The following USP6NL variants were observed in gnomAD, a reference collection of about 807,000 sequenced individuals.
The protein encoded by USP6NL is USP6 N-terminal-like protein.
In USP6NL, 26 loss-of-function variants were observed where a neutral mutation model predicts 61.9. That is an observed-to-expected ratio of 0.42 (90% CI 0.31 to 0.58). The LOEUF (loss-of-function observed/expected upper bound fraction) is 0.58, where lower values mean the gene tolerates loss of function less well. USP6NL is among the 20% of genes least tolerant of loss of function. The pLI is 0.16. For synonymous variants in USP6NL, 432 were observed against 390.1 expected, an observed-to-expected ratio of 1.11 and a Z score of -1.27; for missense variants, 1,114 against 1,034.3, an observed-to-expected ratio of 1.08 and a Z score of -1.06.
intron 14 of USP6NL, among the ~76,000 whole-genome samples, chr10:11,467,436 G>A (rs983628524): frequency 1.3e-5 from 2 of 152,238 alleles, no homozygotes; most frequent in South Asian, 2.1e-4. Flanking sequence ...CCACCTCTGA[G>A]AATTTATCCT....
intron 2 of USP6NL, among the ~76,000 whole-genome samples, chr10:11,550,783 A>T (rs1591917502): frequency 6.6e-6 from 1 of 151,604 alleles, no homozygotes; most frequent in African/African-American, 2.4e-5. Flanking sequence ...AAACAAAATA[A>T]TAAAAAAAAT....
At chr10:11,559,514 T>C (rs1204158083) in intron 2 of USP6NL, among the ~76,000 whole-genome samples, 1 of 152,164 alleles carries the variant, frequency 6.6e-6, no homozygotes, top group Non-Finnish European at 1.5e-5. Context: ...TAGGATAGTA[T>C]ACAGTCTCGT....
intron 4 of USP6NL, among the ~76,000 whole-genome samples, chr10:11,521,333 T>C (rs1001753921): frequency 2.0e-5 from 3 of 147,092 alleles, no homozygotes; most frequent in Non-Finnish European, 4.5e-5. Flanking sequence ...ATATAAAATA[T>C]ATATTATATA....
Position 11,611,513 on chromosome 10 carries a change from CCGGCGCGGCG to C in USP6NL, c.-164_-155del, listed in dbSNP as rs563848900. On this transcript the variant is annotated 5_prime_UTR_variant, in exon 1 of 15. Coordinates refer to ENST00000609104, the MANE Select transcript of USP6NL (RefSeq NM_014688.5). The surrounding 1 kb of genome is among the most constrained non-coding windows in gnomAD (Gnocchi z 5.3). ...GGCGGTCCCGGGCGGCCGAGCAGAT[CCGGCGCGGCG>C]CGGCGCGGCGGCGGCGGCGGCTACC... The C allele has an allele frequency of 3.1e-5, 5 of 160,700 alleles. No individual in the cohort carries two copies. The highest frequency in any genetic ancestry group is 1.9e-4 in the East Asian group (1 of 5,342). 10.0% of individuals were successfully genotyped at this position (160,700 alleles called of 1,614,324 possible). A position where few individuals can be genotyped will look rare whatever the true frequency, so the allele number is the denominator to read the frequency against.
At chr10:11,507,940 G>A (rs1274185058) in intron 6 of USP6NL, among the ~76,000 whole-genome samples, 1 of 152,214 alleles carries the variant, frequency 6.6e-6, no homozygotes, top group African/African-American at 2.4e-5. Context: ...TCTGCCTCTA[G>A]AATCTGCCTC....
In USP6NL at chr10:11,548,655, G is replaced by A. The variant is rs1351751628; in HGVS notation, c.5-21088C>T. ...ACTGCTGAATAAGCTAAGATCCTAG[G>A]ACCCACTGGCAAAGACTTTCATTCT... On this transcript the variant is annotated intron_variant, in intron 2 of 14. Transcript: ENST00000609104. This position sits in a 1 kb window ranked among gnomAD's most constrained non-coding sequence, Gnocchi z 4.3. Among the ~76,000 whole-genome samples, 5 of 151,954 alleles carry A rather than the reference G, an allele frequency of 3.3e-5. No homozygotes were observed. The highest frequency in any genetic ancestry group is 5.9e-5 in the Non-Finnish European group (4 of 67,934).
In USP6NL at chr10:11,499,570, T is replaced by C. The variant is rs367705494; in HGVS notation, c.384+1531A>G. ...GGTCATCCTGGATGAGGGTGGACCC[T>C]ACATGCAATAACTATTGTCCCTATC... is the stretch of plus-strand genomic sequence containing the variant. On this transcript the variant is annotated intron_variant, in intron 7 of 14. Coordinates refer to ENST00000609104, the MANE Select transcript of USP6NL (RefSeq NM_014688.5). This position sits in a 1 kb window ranked among gnomAD's most constrained non-coding sequence, Gnocchi z 4.5. Among the ~76,000 whole-genome samples the C allele has an allele frequency of 5.9e-5, 9 of 152,238 alleles. No homozygotes were observed. In the East Asian group the frequency reaches 1.5e-3, roughly 26 times the overall value.
intron 1 of USP6NL, among the ~76,000 whole-genome samples, chr10:11,607,933 C>T (rs1045340645): frequency 3.3e-5 from 5 of 152,200 alleles, no homozygotes; most frequent in African/African-American, 9.6e-5. Flanking sequence ...TACCTCTATC[C>T]CTGAGTAACT....
At chr10:11,469,412 C>T (rs1832630767) in intron 14 of USP6NL, among the ~76,000 whole-genome samples, 1 of 152,190 alleles carries the variant, frequency 6.6e-6, no homozygotes, top group African/African-American at 2.4e-5. Context: ...TATCCAAGAT[C>T]CATATTGCTA....
rs537915647 is a variant in USP6NL at position 11,461,184 on chromosome 10, A to G, written c.*1257T>C. The G allele has an allele frequency of 3.9e-5, 6 of 152,674 alleles. No homozygotes were observed. The highest frequency in any genetic ancestry group is 1.4e-4 in the African/African-American group (6 of 41,544). The allele number at this position is 152,674 out of a possible 1,614,324, so 9.5% of individuals were successfully genotyped here. A position where few individuals can be genotyped will look rare whatever the true frequency, so the allele number is the denominator to read the frequency against. ...CTCTTGGAGTGCCTAAATCTTTGTCAGTGTTTTGGTATCTGTAGTGTAACA... is the reference window on the plus strand; with the variant it reads ...CTCTTGGAGTGCCTAAATCTTTGTCGGTGTTTTGGTATCTGTAGTGTAACA... On this transcript the variant is annotated 3_prime_UTR_variant, in exon 15 of 15. Transcript: ENST00000609104.
At position 11,468,850 on chromosome 10, in the gene USP6NL, A is replaced by C. The variant is rs199732906; in HGVS notation, c.1079-5001T>G. Among the ~76,000 whole-genome samples, 3,058 of 152,358 alleles carry C rather than the reference A, an allele frequency of 0.02. 54 individuals carry two copies. Among genetic ancestry groups the C allele is most frequent in the Non-Finnish European group, 0.036 (2,434 of 68,034 alleles). ...GCATGTGTTTCTTAGGAGAAAGAAA[A>C]AACCAATTGAGAAGTAATGGAAGGA... On this transcript the variant is annotated intron_variant, in intron 14 of 14. Coordinates refer to ENST00000609104, the MANE Select transcript of USP6NL (RefSeq NM_014688.5). This position sits in a 1 kb window ranked among gnomAD's most constrained non-coding sequence, Gnocchi z 4.5.
chr10:11,562,815 A>T lies in USP6NL; in HGVS notation c.4+34816T>A. 3.1e-6 allele frequency: 3 copies of T among 980,116 alleles called. No homozygotes were observed. Among genetic ancestry groups the T allele is most frequent in the Non-Finnish European group, 3.6e-6 (3 of 825,172 alleles). The allele number at this position is 980,116 out of a possible 1,614,324, so 60.7% of individuals were successfully genotyped here. On this transcript the variant is annotated intron_variant, in intron 2 of 14. Transcript: ENST00000609104. This position sits in a 1 kb window ranked among gnomAD's most constrained non-coding sequence, Gnocchi z 4.8. ...ATTCTAGTTTTATTAGGCATTAGTA[A>T]ATAAGTTTTAGAAGAATAATAGTAA...
chr10:11,518,535 C>T lies in USP6NL; in HGVS notation c.195G>A (p.Arg65=), dbSNP rs1835056158. ...TAAATACATCAAGAGCAGGACTTAC[C>T]CGTTCCACAGCCACATTATGATCTG... The part of the protein sequence containing the change: ...ELPDHNVAVE[R]QKHLEIERTT... Residue 65 remains arginine (R), a splice_region_variant and synonymous_variant, in exon 5 of 15, where the codon CGG becomes CGA. Coordinates refer to ENST00000609104, the MANE Select transcript of USP6NL (RefSeq NM_014688.5). The surrounding 1 kb of genome is among the most constrained non-coding windows in gnomAD (Gnocchi z 5.3). 26 of 1,612,746 alleles carry T rather than the reference C, an allele frequency of 1.6e-5. No homozygotes were observed. Among genetic ancestry groups the T allele is most frequent in the Non-Finnish European group, 2.2e-5 (26 of 1,179,240 alleles).
At chr10:11,560,382 C>T (rs980520124) in intron 2 of USP6NL, among the ~76,000 whole-genome samples, 4 of 152,138 alleles carry the variant, frequency 2.6e-5, no homozygotes, top group Admixed American at 6.5e-5. Context: ...CCCAGTCTAA[C>T]TTCTATGCTT....
chr10:11,500,120 G>C (rs1248985124), intron 7 of USP6NL, among the ~76,000 whole-genome samples: 1 of 152,112 alleles, frequency 6.6e-6, no homozygotes, highest in Non-Finnish European at 1.5e-5. Flanking sequence ...TGAATAATGA[G>C]ACTATACGGG....
At position 11,532,244 on chromosome 10, in the gene USP6NL, T is replaced by C. The variant is rs1376830339; in HGVS notation, c.5-4677A>G. 15 of 1,593,392 alleles carry C rather than the reference T, an allele frequency of 9.4e-6. No individual in the cohort carries two copies. Among genetic ancestry groups the C allele is most frequent in the Non-Finnish European group, 1.2e-5 (14 of 1,169,974 alleles). On this transcript the variant is annotated intron_variant, in intron 2 of 14. Transcript: ENST00000609104. This position sits in a 1 kb window ranked among gnomAD's most constrained non-coding sequence, Gnocchi z 4.1. ...GCTTCAGTCCTCATAGAGTAACTTA[T>C]CTATTCCAAGATTTCATTATTATTT...
intron 6 of USP6NL, among the ~76,000 whole-genome samples, chr10:11,509,040 G>A (rs552894563): frequency 8.5e-5 from 13 of 152,290 alleles, no homozygotes; most frequent in South Asian, 2.1e-4. Flanking sequence ...GACGCATGGT[G>A]ATATTAATAT....
rs1832302952 is a variant in USP6NL, at chr10:11,463,746, C to T, written c.1182G>A (p.Arg394=). Residue 394 remains arginine (R), a synonymous_variant, in exon 15 of 15, where the codon CGG becomes CGA. Transcript: ENST00000609104. This position sits in a 1 kb window ranked among gnomAD's most constrained non-coding sequence, Gnocchi z 6.3. Reference sequence around the variant, plus strand: ...TCCTGCCGCTGGCCAGCGGGCTCGGCCGGCCCACGCTCCTCTGTCCGTTGC... The same window carrying T: ...TCCTGCCGCTGGCCAGCGGGCTCGGTCGGCCCACGCTCCTCTGTCCGTTGC... ...HLSNGQRSVG[R]PSPLASGRRE... is the part of the protein sequence containing the mutation. 1 of 1,591,900 alleles carries T rather than the reference C, an allele frequency of 6.3e-7. No homozygotes were observed. Among genetic ancestry groups the T allele is most frequent in the Non-Finnish European group, 8.6e-7 (1 of 1,168,080 alleles).
intron 10 of USP6NL, among the ~76,000 whole-genome samples, chr10:11,488,011 T>C (rs1833544943): frequency 6.6e-6 from 1 of 152,266 alleles, no homozygotes; most frequent in African/African-American, 2.4e-5. Context: ...ATTTTAAATT[T>C]GATATTAACA....
Sources: allele counts gnomAD v4.1 joint callset (sites outside exome capture counted in the v4.1 genomes callset), GRCh38; gene constraint gnomAD v4.1.1; non-coding constraint Gnocchi (gnomAD v3.1); transcripts MANE v1.5; gene names NCBI Gene and HGNC (gene_info 2026-07-23, HGNC 2026-07-21).